Variants in SGCD observed in about 807,000 individuals in gnomAD.
The protein encoded by SGCD is delta-sarcoglycan.
Under a neutral mutation model 36.6 loss-of-function variants are expected in SGCD, and 18 were observed. The observed-to-expected ratio is 0.49, with a 90% CI of 0.34 to 0.73. The LOEUF (loss-of-function observed/expected upper bound fraction) is 0.73. SGCD is among the 30% of genes least tolerant of loss of function. The pLI is 0.01. For missense variants in SGCD, 387 were observed against 346.7 expected, an observed-to-expected ratio of 1.12 and a Z score of -0.92; for synonymous variants, 133 against 130.6, an observed-to-expected ratio of 1.02 and a Z score of -0.12.
intron 1 of SGCD, among the ~76,000 whole-genome samples, chr5:155,872,542 A>G (rs1384582809): frequency 6.6e-6 from 1 of 152,218 alleles, no homozygotes; most frequent in East Asian, 1.9e-4. Context: ...ATTCTTTCCC[A>G]GAATTGTAGG....
At chr5:156,112,639 A>G (rs1761814430) in intron 1 of SGCD, among the ~76,000 whole-genome samples, 1 of 152,210 alleles carries the variant, frequency 6.6e-6, no homozygotes, top group Non-Finnish European at 1.5e-5. Context: ...TCCATTAAAC[A>G]ATCATATATA....
intron 1 of SGCD, among the ~76,000 whole-genome samples, chr5:156,079,475 C>T (rs1269641228): frequency 6.6e-6 from 1 of 152,172 alleles, no homozygotes; most frequent in Non-Finnish European, 1.5e-5. Context: ...CCCAAAGTCT[C>T]ATCTGGAGAC....
the SGCD span, among the ~76,000 whole-genome samples, chr5:155,785,006 T>C: frequency 6.6e-6 from 1 of 152,134 alleles, no homozygotes; most frequent in Non-Finnish European, 1.5e-5. Flanking sequence ...TGAAGTTGAA[T>C]ATATCCCATG....
chr5:155,924,888 T>C (rs1031639722), intron 1 of SGCD, among the ~76,000 whole-genome samples: 1 of 152,242 alleles, frequency 6.6e-6, no homozygotes, highest in African/African-American at 2.4e-5. Context: ...TACCGTCCTA[T>C]GCATATTGCA....
chr5:155,875,038 C>T (rs1372205059), intron 1 of SGCD, among the ~76,000 whole-genome samples: 1 of 152,022 alleles, frequency 6.6e-6, no homozygotes, highest in Non-Finnish European at 1.5e-5. Context: ...AATGGATAAA[C>T]AAATTGTGAT....
intron 7 of SGCD, among the ~76,000 whole-genome samples, chr5:156,751,838 T>C (rs751493531): frequency 3.9e-5 from 6 of 152,222 alleles, no homozygotes; most frequent in Non-Finnish European, 7.3e-5. Context: ...GAAAGTCAGT[T>C]GGAGCAATCA....
At chr5:155,947,891 C>T (rs1757471100) in intron 1 of SGCD, among the ~76,000 whole-genome samples, 1 of 151,696 alleles carries the variant, frequency 6.6e-6, no homozygotes, top group Non-Finnish European at 1.5e-5. Context: ...TTGCGTAAGA[C>T]ACAAGATCTC....
chr5:156,405,674 T>C lies in SGCD; in HGVS notation c.192+60997T>C, dbSNP rs548509217. Among the ~76,000 whole-genome samples the C allele has an allele frequency of 4.6e-5, 7 of 152,338 alleles. No individual in the cohort carries two copies. The South Asian group carries it at 1.2e-3, about 27-fold the overall frequency. On this transcript the variant is annotated intron_variant, in intron 3 of 8. Coordinates refer to ENST00000337851, the MANE Select transcript of SGCD (RefSeq NM_000337.6). The stretch of plus-strand genomic sequence containing the variant: ...GAGGTGTTTTCTGCCCCTGAGAAAT[T>C]GTCTTCCTCTTATCAGCGAGTTCTT...
At chr5:156,327,722 G>A (rs564500926) in intron 1 of SGCD, among the ~76,000 whole-genome samples, 1 of 152,258 alleles carries the variant, frequency 6.6e-6, no homozygotes, top group East Asian at 1.9e-4. Context: ...TTCTACGTTG[G>A]ATGACACTTT....
At chr5:156,729,920 C>T (rs1755970667) in intron 7 of SGCD, among the ~76,000 whole-genome samples, 1 of 152,082 alleles carries the variant, frequency 6.6e-6, no homozygotes, top group South Asian at 2.1e-4. Flanking sequence ...CCCAAGAGGC[C>T]AAGTAAAATG....
intron 4 of SGCD, among the ~76,000 whole-genome samples, chr5:156,549,706 A>G (rs1215591424): frequency 6.6e-6 from 1 of 152,260 alleles, no homozygotes. Context: ...AATGTGTATT[A>G]GTAGCTTCTC....
At chr5:155,753,341 A>G in the SGCD span, among the ~76,000 whole-genome samples, 17 of 151,078 alleles carry the variant, frequency 1.1e-4, no homozygotes, top group Non-Finnish European at 2.1e-4. Context: ...GTCTAAAAAA[A>G]AAAGAAAGAA....
intron 3 of SGCD, among the ~76,000 whole-genome samples, chr5:156,259,118 A>G (rs60559509): frequency 0.065 from 9,344 of 143,510 alleles, 918 homozygotes; most frequent in African/African-American, 0.23. Flanking sequence ...CTGGCTGTTT[A>G]TTTATTTATT....
At chr5:156,338,139 A>T (rs934821152) in intron 2 of SGCD, among the ~76,000 whole-genome samples, 10 of 146,590 alleles carry the variant, frequency 6.8e-5, no homozygotes, top group Non-Finnish European at 1.3e-4. Context: ...GATGGCATTG[A>T]TGTGTTTTTA....
At chr5:156,643,869 C>T (rs1427737775) in intron 6 of SGCD, among the ~76,000 whole-genome samples, 3 of 152,194 alleles carry the variant, frequency 2.0e-5, no homozygotes, top group South Asian at 4.2e-4. Flanking sequence ...AGAAAACTGA[C>T]GTTTTTACCT....
intron 1 of SGCD, among the ~76,000 whole-genome samples, chr5:156,107,634 G>C (rs1462346040): frequency 6.6e-6 from 1 of 152,016 alleles, no homozygotes; most frequent in African/African-American, 2.4e-5. Flanking sequence ...GAAGCTCTCT[G>C]TTTTCCCACA....
the SGCD span, among the ~76,000 whole-genome samples, chr5:155,748,945 T>A: frequency 1.3e-5 from 2 of 152,208 alleles, no homozygotes; most frequent in Non-Finnish European, 2.9e-5. Flanking sequence ...TAAGGAGCTA[T>A]GGGGATGCAA....
chr5:155,909,623 G>A lies in SGCD; in HGVS notation c.-282+39199G>A, dbSNP rs117586740. ...TTTAGACTGGGCTGAATAAATAATA[G>A]GAATTGCTTCCAAGGGCATGGAAAG... On this transcript the variant is annotated intron_variant, in intron 1 of 9. Transcript: ENST00000517913. Among the ~76,000 whole-genome samples the A allele has an allele frequency of 1.2e-4, 19 of 152,238 alleles. No individual in the cohort carries two copies. In the East Asian group the frequency reaches 3.3e-3, roughly 26 times the overall value.
chr5:156,755,029 A>G (rs149012700), intron 7 of SGCD, among the ~76,000 whole-genome samples: 3 of 152,352 alleles, frequency 2.0e-5, no homozygotes, highest in African/African-American at 7.2e-5. Context: ...ACACAGTTAC[A>G]ATAGTCCGGG....
Sources: gnomAD v4.1 joint callset for allele counts (sites outside exome capture counted in the v4.1 genomes callset) on GRCh38, gnomAD v4.1.1 for gene constraint, MANE v1.5 for transcripts, NCBI Gene and HGNC (gene_info 2026-07-23, HGNC 2026-07-21) for gene names.